TLE1: variants seen among roughly 807,000 people sequenced by gnomAD.
TLE1 encodes TLE family member 1, transcriptional corepressor.
In TLE1, 21 loss-of-function variants were observed where a neutral mutation model predicts 89.8. The ratio of observed to expected loss-of-function variants is 0.23; its 90% confidence interval spans 0.17 to 0.34. TLE1 has a LOEUF of 0.34. Ranked by LOEUF, TLE1 falls within the 10% of genes least tolerant of loss-of-function variation. The probability of loss-of-function intolerance (pLI) is 1.00; values close to 1 mark genes in which losing one functional copy is unlikely to be tolerated. For synonymous variants in TLE1, 447 were observed against 407.6 expected, an observed-to-expected ratio of 1.10 and a Z score of -1.16; for missense variants, 795 against 1,031.2, an observed-to-expected ratio of 0.77 and a Z score of 3.14.
intron 4 of TLE1, among the ~76,000 whole-genome samples, chr9:81,664,572 T>C (rs1015705675): frequency 6.6e-6 from 1 of 152,054 alleles, no homozygotes; most frequent in Admixed American, 6.6e-5. Flanking sequence ...ATTTAAAAAA[T>C]GTGGGGAGGT....
At chr9:81,609,818 G>A (rs2132039058) in intron 14 of TLE1, among the ~76,000 whole-genome samples, 1 of 152,292 alleles carries the variant, frequency 6.6e-6, no homozygotes, top group Non-Finnish European at 1.5e-5. Context: ...TCAAAAAAGT[G>A]TCTAAGCCTG....
chr9:81,584,414 A>C (rs764208025), intron 19 of TLE1, 34 bp downstream of exon 19: 1 of 1,613,304 alleles, frequency 6.2e-7, no homozygotes, highest in African/African-American at 1.3e-5. Context: ...CACTGTGGTC[A>C]AACTGTGGAT....
At chr9:81,587,006 C>T (rs1291897816) in intron 17 of TLE1, among the ~76,000 whole-genome samples, 1 of 152,120 alleles carries the variant, frequency 6.6e-6, no homozygotes, top group African/African-American at 2.4e-5. Flanking sequence ...ACAATTCTAC[C>T]ACCAGAAAGC....
At chr9:81,677,287 C>G (rs10429620) in intron 4 of TLE1, among the ~76,000 whole-genome samples, 4 of 151,346 alleles carry the variant, frequency 2.6e-5, no homozygotes, top group African/African-American at 9.7e-5. Flanking sequence ...CAACTCAGGC[C>G]GGGCGCAGTG....
intron 14 of TLE1, among the ~76,000 whole-genome samples, chr9:81,603,870 T>C (rs1431585580): frequency 1.3e-5 from 2 of 152,046 alleles, no homozygotes; most frequent in African/African-American, 2.4e-5. Context: ...GACATGGCGG[T>C]GTACGCTTGT....
rs1333105043 is a variant in TLE1, at chr9:81,634,145, A to C, written c.529T>G (p.Leu177Val). The C allele has an allele frequency of 2.5e-6, 4 of 1,607,558 alleles. No individual in the cohort carries two copies. The Admixed American group carries it at 6.7e-5, about 27-fold the overall frequency. ...LSSALSGQSH[L>V]AIKDDKKHHD... is the part of the protein sequence containing the mutation. ...TGCTTCTTGTCATCTTTTATTGCCA[A>C]GTGAGACTGCCCACTCAGAGCACTA... Residue 177 changes from leucine to valine, a missense_variant, in exon 7 of 20, where the codon TTG becomes GTG. Physicochemically the swap from Leu to Val is conservative, Grantham distance 32. This residue lies in a region of TLE1 where 468 missense variants were observed against 509.1 expected (regional missense o/e 0.92). Coordinates refer to ENST00000376499, the MANE Select transcript of TLE1 (RefSeq NM_005077.5).
At chr9:81,646,590 A>C (rs1828892255) in intron 6 of TLE1, among the ~76,000 whole-genome samples, 1 of 152,200 alleles carries the variant, frequency 6.6e-6, no homozygotes, top group Non-Finnish European at 1.5e-5. Flanking sequence ...CATCCTCTTA[A>C]ACTTCACACA....
At chr9:81,630,018 C>A (rs1826372999) in intron 8 of TLE1, among the ~76,000 whole-genome samples, 1 of 152,112 alleles carries the variant, frequency 6.6e-6, no homozygotes, top group Non-Finnish European at 1.5e-5. Context: ...ACCTACCAAC[C>A]AGTTTTAGGC....
intron 11 of TLE1, among the ~76,000 whole-genome samples, chr9:81,615,587 C>T (rs1489391149): frequency 6.6e-6 from 1 of 150,498 alleles, no homozygotes; most frequent in Admixed American, 6.6e-5. Flanking sequence ...GTCGCGCGCG[C>T]CTGTAATCCC....
At position 81,687,707 on chromosome 9, in the gene TLE1, C is replaced by G. The variant is rs140181964; in HGVS notation, c.25-273G>C. ...GGTCACCAGGCCAAAGGGAAGGGGG[C>G]TCCCCGGCGGCCAGGGAAGACCAGG... On this transcript the variant is annotated intron_variant, in intron 1 of 19. Coordinates refer to ENST00000376499, the MANE Select transcript of TLE1 (RefSeq NM_005077.5). Among the ~76,000 whole-genome samples, 544 of 151,994 alleles carry G rather than the reference C, an allele frequency of 3.6e-3. 1 individual carries two copies. Among genetic ancestry groups the G allele is most frequent in the African/African-American group, 0.013 (521 of 41,496 alleles).
At chr9:81,657,822 T>C (rs1830319798) in intron 4 of TLE1, among the ~76,000 whole-genome samples, 1 of 151,172 alleles carries the variant, frequency 6.6e-6, no homozygotes. Context: ...CCTAATACAA[T>C]GTAAATCCTA....
chr9:81,662,462 G>A (rs145301885), intron 4 of TLE1, among the ~76,000 whole-genome samples: 1,614 of 151,540 alleles, frequency 0.011, 24 homozygotes, highest in African/African-American at 0.036. Flanking sequence ...TGCGGGGGCC[G>A]AGGTGGGTGG....
chr9:81,655,902 C>T (rs1830103483), intron 4 of TLE1, among the ~76,000 whole-genome samples: 1 of 150,322 alleles, frequency 6.7e-6, no homozygotes, highest in South Asian at 2.1e-4. Context: ...AGGAACTTTA[C>T]AATCAAGCAT....
chr9:81,681,204 T>C (rs1025641662), intron 4 of TLE1, among the ~76,000 whole-genome samples: 1 of 152,130 alleles, frequency 6.6e-6, no homozygotes, highest in Admixed American at 6.5e-5. Flanking sequence ...TTGCAGAATA[T>C]ATCATCCTTC....
At chr9:81,649,451 AGCCCTG>A (rs1829270719) in intron 6 of TLE1, among the ~76,000 whole-genome samples, 1 of 152,200 alleles carries the variant, frequency 6.6e-6, no homozygotes, top group South Asian at 2.1e-4. Flanking sequence ...AAATATCTTT[AGCCCTG>A]TCAAGCAAGC....
chr9:81,653,579 A>C (rs1214516946), intron 5 of TLE1, among the ~76,000 whole-genome samples: 1 of 152,216 alleles, frequency 6.6e-6, no homozygotes, highest in Non-Finnish European at 1.5e-5. Context: ...ACATAAGTAC[A>C]AAAGAACTAT....
intron 18 of TLE1, 78 bp downstream of exon 18, chr9:81,585,427 A>T: frequency 1.9e-6 from 3 of 1,538,798 alleles, no homozygotes; most frequent in South Asian, 1.2e-5. Flanking sequence ...CCAGATTATG[A>T]TCTCTACCAT....
At chr9:81,663,284 G>T (rs567128346) in intron 4 of TLE1, among the ~76,000 whole-genome samples, 1 of 152,180 alleles carries the variant, frequency 6.6e-6, no homozygotes, top group Admixed American at 6.5e-5. Context: ...GCCCTCTTAC[G>T]ATCCTCAAAT....
intron 4 of TLE1, among the ~76,000 whole-genome samples, chr9:81,661,432 G>T (rs1291678608): frequency 6.6e-6 from 1 of 151,940 alleles, no homozygotes; most frequent in African/African-American, 2.4e-5. Context: ...CTGCTTAAGA[G>T]TAATTGCCCA....
Sources: allele counts gnomAD v4.1 joint callset (sites outside exome capture counted in the v4.1 genomes callset), GRCh38; gene constraint gnomAD v4.1.1; regional missense constraint gnomAD v4.1.1; transcripts MANE v1.5; gene names NCBI Gene and HGNC (gene_info 2026-07-23, HGNC 2026-07-21).